LRP1B: variants seen among roughly 807,000 people sequenced by gnomAD.
The protein encoded by LRP1B is low-density lipoprotein receptor-related protein 1B.
In LRP1B, 217 loss-of-function variants were observed where a neutral mutation model predicts 556.6. The observed-to-expected ratio is 0.39, with a 90% CI of 0.35 to 0.44. The LOEUF (loss-of-function observed/expected upper bound fraction) is 0.44. Among genes scored for constraint, LRP1B ranks in the 20% least tolerant of loss-of-function variants. LRP1B has a pLI of 1.00. For synonymous variants in LRP1B, 2,047 were observed against 1,865.8 expected, an observed-to-expected ratio of 1.10 and a Z score of -2.50; for missense variants, 5,053 against 5,620.8, an observed-to-expected ratio of 0.90 and a Z score of 3.23.
chr2:140,252,431 C>T (rs1681479543), intron 86 of LRP1B, among the ~76,000 whole-genome samples: 1 of 151,838 alleles, frequency 6.6e-6, no homozygotes, highest in Admixed American at 6.6e-5. Flanking sequence ...TATGAGTAGG[C>T]ATTATACACT....
chr2:141,870,957 G>C (rs763978705), intron 1 of LRP1B, among the ~76,000 whole-genome samples: 5 of 151,920 alleles, frequency 3.3e-5, no homozygotes, highest in Admixed American at 1.3e-4. Flanking sequence ...CTGGACCTTA[G>C]CAGCCTTGCT....
intron 60 of LRP1B, among the ~76,000 whole-genome samples, chr2:140,460,003 A>AT (rs1346324242): frequency 3.3e-5 from 5 of 152,068 alleles, no homozygotes; most frequent in Admixed American, 6.6e-5. Context: ...TCAATTAAAC[A>AT]TTTTTTTCTT....
chr2:140,385,686 C>A (rs566635162), intron 67 of LRP1B, among the ~76,000 whole-genome samples: 1 of 152,270 alleles, frequency 6.6e-6, no homozygotes, highest in South Asian at 2.1e-4. Flanking sequence ...AGAACTGTAA[C>A]AAAATAACTC....
At chr2:141,593,068 T>A (rs1311665474) in intron 2 of LRP1B, among the ~76,000 whole-genome samples, 1 of 152,186 alleles carries the variant, frequency 6.6e-6, no homozygotes, top group Non-Finnish European at 1.5e-5. Context: ...AAAATTTGGC[T>A]ATTGTACAAA....
At chr2:141,592,460 G>T (rs1295883930) in intron 2 of LRP1B, among the ~76,000 whole-genome samples, 1 of 152,058 alleles carries the variant, frequency 6.6e-6, no homozygotes, top group Non-Finnish European at 1.5e-5. Context: ...ATTCATGAAG[G>T]CACCACCCTT....
At chr2:140,867,395 G>A (rs1392728939) in intron 27 of LRP1B, among the ~76,000 whole-genome samples, 195 bp downstream of exon 27, 3 of 151,920 alleles carry the variant, frequency 2.0e-5, no homozygotes, top group African/African-American at 7.2e-5. Context: ...ATATTTATAT[G>A]TAAATAAAAT....
intron 1 of LRP1B, among the ~76,000 whole-genome samples, chr2:141,969,712 G>A (rs1701671510): frequency 1.3e-5 from 2 of 151,620 alleles, no homozygotes; most frequent in Non-Finnish European, 3.0e-5. Flanking sequence ...ATGAACACTG[G>A]AGTGCAAACA....
intron 1 of LRP1B, among the ~76,000 whole-genome samples, chr2:141,849,867 T>C (rs1249734839): frequency 6.6e-6 from 1 of 151,698 alleles, no homozygotes; most frequent in Non-Finnish European, 1.5e-5. Flanking sequence ...GATTTCTCTT[T>C]AAATCTCCGA....
At chr2:141,877,266 G>A (rs1698798128) in intron 1 of LRP1B, among the ~76,000 whole-genome samples, 1 of 151,918 alleles carries the variant, frequency 6.6e-6, no homozygotes, top group Non-Finnish European at 1.5e-5. Context: ...ACCTGGGGTA[G>A]CAAAGACAAT....
chr2:141,122,593 G>C (rs907043402), intron 7 of LRP1B, among the ~76,000 whole-genome samples: 3 of 152,014 alleles, frequency 2.0e-5, no homozygotes, highest in Admixed American at 2.0e-4. Flanking sequence ...TAAAAAGTCA[G>C]GAAACAACAG....
At chr2:140,826,581 A>G (rs950602481) in intron 31 of LRP1B, among the ~76,000 whole-genome samples, 3 of 152,210 alleles carry the variant, frequency 2.0e-5, no homozygotes, top group African/African-American at 7.2e-5. Context: ...AACTCTGAAC[A>G]GACAGTAAGA....
At chr2:140,719,256 G>C (rs893159961) in intron 35 of LRP1B, among the ~76,000 whole-genome samples, 2 of 152,002 alleles carry the variant, frequency 1.3e-5, no homozygotes, top group African/African-American at 4.8e-5. Flanking sequence ...CACATCTCTT[G>C]CCATAAAAAT....
intron 7 of LRP1B, among the ~76,000 whole-genome samples, chr2:141,113,568 A>T (rs1700806898): frequency 6.6e-6 from 1 of 151,352 alleles, no homozygotes. Context: ...TTTGCAATTC[A>T]TTTTTTTTTA....
At chr2:140,361,381 A>ATATAT (rs1682507591) in intron 72 of LRP1B, among the ~76,000 whole-genome samples, 9 of 33,848 alleles carry the variant, frequency 2.7e-4, no homozygotes, top group African/African-American at 4.0e-4. Flanking sequence ...TATATATATA[A>ATATAT]CAAAAATAAG....
Position 140,883,820 on chromosome 2 carries a change from T to C in LRP1B, c.4166A>G (p.Tyr1389Cys), listed in dbSNP as rs1693550790. Residue 1389 changes from tyrosine (Y) to cysteine (C), a missense_variant, in exon 25 of 91, where the codon TAT (tyrosine) becomes TGT (cysteine). By Grantham distance (194) the Tyr-to-Cys change is radical (BLOSUM62 -2). This residue lies in a region of LRP1B where 3,619 missense variants were observed against 3,931.9 expected (regional missense o/e 0.92). Transcript: ENST00000389484. The stretch of plus-strand genomic sequence containing the variant: ...TATAAAAGGCAAACTTCTTTACCCA[T>C]ATCTTGGGTCCAAAGCAATGGCCCT... ...HPRAIALDPR[Y>C]GILFWTDWDA... The C allele has an allele frequency of 6.2e-7, 1 of 1,612,690 alleles. No individual in the cohort carries two copies. Among genetic ancestry groups the C allele is most frequent in the Non-Finnish European group, 8.5e-7 (1 of 1,179,398 alleles).
chr2:140,308,504 T>G (rs1573767283), intron 83 of LRP1B, among the ~76,000 whole-genome samples: 1 of 151,914 alleles, frequency 6.6e-6, no homozygotes, highest in Non-Finnish European at 1.5e-5. Flanking sequence ...TTTAAGTCAA[T>G]TTTTAATTCA....
intron 43 of LRP1B, among the ~76,000 whole-genome samples, chr2:140,588,803 C>A (rs914308310): frequency 1.3e-5 from 2 of 150,188 alleles, no homozygotes; most frequent in Non-Finnish European, 3.0e-5. Context: ...CCTAAAAATA[C>A]AAAAAATCAG....
At chr2:140,800,754 T>G (rs1339249900) in intron 32 of LRP1B, among the ~76,000 whole-genome samples, 1 of 152,190 alleles carries the variant, frequency 6.6e-6, no homozygotes, top group Non-Finnish European at 1.5e-5. Context: ...ATTTATTTTC[T>G]ATGAAAACAG....
chr2:140,797,677 T>C (rs1690365105), intron 32 of LRP1B, among the ~76,000 whole-genome samples: 1 of 152,156 alleles, frequency 6.6e-6, no homozygotes, highest in Non-Finnish European at 1.5e-5. Context: ...ATTAATTATG[T>C]AATCTATTTC....
Sources: gnomAD v4.1 joint callset for allele counts (sites outside exome capture counted in the v4.1 genomes callset) on GRCh38, gnomAD v4.1.1 for gene constraint, gnomAD v4.1.1 regional missense constraint, MANE v1.5 for transcripts, NCBI Gene and HGNC (gene_info 2026-07-23, HGNC 2026-07-21) for gene names.